SLC4A5: variants seen among roughly 807,000 people sequenced by gnomAD.
SLC4A5 encodes electrogenic sodium bicarbonate cotransporter 4.
In SLC4A5, 96 loss-of-function variants were observed where a neutral mutation model predicts 120.4. The ratio of observed to expected loss-of-function variants is 0.80; its 90% CI spans 0.68 to 0.94. The LOEUF is 0.94. Among genes scored for constraint, SLC4A5 ranks in the 40% least tolerant of loss-of-function variants. The pLI is 0.00. For missense variants in SLC4A5, 1,259 were observed against 1,459.5 expected (o/e 0.86, Z 2.24); for synonymous variants, 550 against 571.1 (o/e 0.96, Z 0.53).
At chr2:74,263,880 C>T (rs558276366) in intron 10 of SLC4A5, among the ~76,000 whole-genome samples, 1 of 152,356 alleles carries the variant, frequency 6.6e-6, no homozygotes, top group East Asian at 1.9e-4. Flanking sequence ...GGCATTAGGA[C>T]ACATCTCAAG....
intron 17 of SLC4A5, among the ~76,000 whole-genome samples, chr2:74,249,790 A>G (rs1207141247): frequency 6.6e-6 from 1 of 152,146 alleles, no homozygotes; most frequent in Non-Finnish European, 1.5e-5. Flanking sequence ...CAGCTTGACA[A>G]ATGGGTCTTC....
intron 7 of SLC4A5, among the ~76,000 whole-genome samples, chr2:74,300,886 A>T (rs1672460647): frequency 6.6e-6 from 1 of 152,212 alleles, no homozygotes; most frequent in South Asian, 2.1e-4. Flanking sequence ...TGCTGTGGGA[A>T]TGAGGACCAG....
intron 5 of SLC4A5, among the ~76,000 whole-genome samples, chr2:74,321,882 T>C (rs1468716015): frequency 6.6e-6 from 1 of 151,982 alleles, no homozygotes; most frequent in Non-Finnish European, 1.5e-5. Context: ...AGTTTAGGAA[T>C]AGTCATGTGA....
At chr2:74,337,895 T>C (rs1376759571) in intron 3 of SLC4A5, among the ~76,000 whole-genome samples, 4 of 152,080 alleles carry the variant, frequency 2.6e-5, no homozygotes, top group Non-Finnish European at 5.9e-5. Context: ...TAAATGAGAG[T>C]GATCCCATGG....
chr2:74,302,510 G>T (rs759080459), intron 7 of SLC4A5, among the ~76,000 whole-genome samples: 18 of 152,092 alleles, frequency 1.2e-4, no homozygotes, highest in African/African-American at 3.1e-4. Flanking sequence ...CCAGCTACTC[G>T]CGAGGCTGAG....
chr2:74,333,222 C>G (rs1673404527), intron 4 of SLC4A5, among the ~76,000 whole-genome samples: 1 of 152,060 alleles, frequency 6.6e-6, no homozygotes, highest in African/African-American at 2.4e-5. Context: ...ACAAGGATGG[C>G]CCCCACAACA....
At chr2:74,303,474 T>A (rs151247183) in intron 7 of SLC4A5, among the ~76,000 whole-genome samples, 6 of 152,174 alleles carry the variant, frequency 3.9e-5, no homozygotes, top group African/African-American at 1.4e-4. Context: ...TTAGGCAGGT[T>A]TGGGATATGC....
At chr2:74,237,080 C>T (rs981673930) in intron 21 of SLC4A5, among the ~76,000 whole-genome samples, 7 of 151,774 alleles carry the variant, frequency 4.6e-5, no homozygotes, top group African/African-American at 1.7e-4. Context: ...GGGTTCATGC[C>T]ATTCTCCTGC....
intron 7 of SLC4A5, among the ~76,000 whole-genome samples, chr2:74,288,789 C>G (rs1167557524): frequency 2.6e-5 from 4 of 152,184 alleles, no homozygotes; most frequent in Non-Finnish European, 5.9e-5. Context: ...CGGCAGCCTT[C>G]TCAAGTCAAC....
chr2:74,292,794 C>T (rs770272478), intron 7 of SLC4A5, among the ~76,000 whole-genome samples: 1 of 152,116 alleles, frequency 6.6e-6, no homozygotes, highest in Non-Finnish European at 1.5e-5. Flanking sequence ...CATCAGGACA[C>T]GATCCTGGGG....
chr2:74,252,211 A>T, exon 16 of SLC4A5: 1 of 1,612,808 alleles, frequency 6.2e-7, no homozygotes, highest in Non-Finnish European at 8.5e-7. Context: ...CCCCGATTTC[A>T]TGCATGGCTG....
intron 8 of SLC4A5, among the ~76,000 whole-genome samples, chr2:74,269,838 T>C (rs1671418582): frequency 1.3e-5 from 2 of 152,140 alleles, no homozygotes; most frequent in South Asian, 2.1e-4. Flanking sequence ...CTTCTGCCCA[T>C]ACAAATGCAA....
intron 12 of SLC4A5, 30 bp downstream of exon 12, chr2:74,259,558 C>T: frequency 6.2e-7 from 1 of 1,612,574 alleles, no homozygotes; most frequent in Middle Eastern, 1.7e-4. Flanking sequence ...CCTGGCCCTC[C>T]ATTGCAGCTA....
exon 31 of SLC4A5, chr2:74,216,673 A>C (rs1402170327): frequency 4.6e-5 from 7 of 152,174 alleles, no homozygotes; most frequent in Admixed American, 4.6e-4. Flanking sequence ...CAGTGGCATG[A>C]TTATAGCTCA....
chr2:74,315,041 A>G lies in SLC4A5; in HGVS notation c.-2-16T>C. 6.2e-7 allele frequency: 1 copy of G among 1,603,390 alleles called. No individual in the cohort carries two copies. The highest frequency in any genetic ancestry group is 8.5e-7 in the Non-Finnish European group (1 of 1,170,236). ...ACCTTCATGACTATAAAGTAAAAGG[A>G]ACACAGCCTCAAAATGTATACATTA... On this transcript the variant is annotated splice_polypyrimidine_tract_variant and intron_variant, in intron 5 of 30. Transcript: ENST00000394019.
intron 7 of SLC4A5, among the ~76,000 whole-genome samples, chr2:74,302,245 G>A (rs1298689973): frequency 2.0e-5 from 3 of 152,036 alleles, no homozygotes; most frequent in Non-Finnish European, 2.9e-5. Context: ...CAGCCCTGTC[G>A]GGAACAAGCC....
At chr2:74,304,438 T>C (rs777180790) in intron 7 of SLC4A5, 51 bp downstream of exon 7, 12 of 1,539,342 alleles carry the variant, frequency 7.8e-6, no homozygotes, top group South Asian at 3.8e-5. Flanking sequence ...GGGTCCCATC[T>C]GGACACACCA....
intron 8 of SLC4A5, among the ~76,000 whole-genome samples, chr2:74,267,817 G>C (rs1465360849): frequency 6.6e-6 from 1 of 152,136 alleles, no homozygotes; most frequent in Non-Finnish European, 1.5e-5. Flanking sequence ...GCAACATGGT[G>C]AAACCCTGAC....
intron 8 of SLC4A5, among the ~76,000 whole-genome samples, chr2:74,268,969 T>C (rs1172966942): frequency 6.6e-6 from 1 of 152,192 alleles, no homozygotes; most frequent in Non-Finnish European, 1.5e-5. Flanking sequence ...GGGAATCAGA[T>C]GGACACAGAA....
Sources: allele counts gnomAD v4.1 joint callset (sites outside exome capture counted in the v4.1 genomes callset), GRCh38; gene constraint gnomAD v4.1.1; transcripts MANE v1.5; gene names NCBI Gene and HGNC (gene_info 2026-07-23, HGNC 2026-07-21).